OTC: variants seen among roughly 807,000 people sequenced by gnomAD.
OTC encodes ornithine transcarbamylase, also known as ornithine transcarbamylase, mitochondrial.
Under a neutral mutation model 30.3 loss-of-function variants are expected in OTC, and 3 were observed. The ratio of observed to expected loss-of-function variants is 0.10; its 90% CI spans 0.05 to 0.26. The LOEUF (loss-of-function observed/expected upper bound fraction) is 0.26, where lower values mean the gene tolerates loss of function less well. OTC is among the 10% of genes least tolerant of loss of function. The probability of loss-of-function intolerance (pLI) is 1.00; values close to 1 mark genes in which losing one functional copy is unlikely to be tolerated. For synonymous variants in OTC, 111 were observed against 99.7 expected, an observed-to-expected ratio of 1.11 and a Z score of -0.67; for missense variants, 194 against 260.3, an observed-to-expected ratio of 0.75 and a Z score of 1.75.
intron 8 of OTC, among the ~76,000 whole-genome samples, chrX:38,410,146 A>G (rs1212963554): frequency 8.9e-6 from 1 of 112,018 alleles, no homozygotes; most frequent in African/African-American, 3.2e-5. Context: ...ATAGAATTCC[A>G]AAGGATAAGT....
chrX:38,400,742 G>A (rs894903796), intron 4 of OTC, among the ~76,000 whole-genome samples: 1 of 112,567 alleles, frequency 8.9e-6, no homozygotes, highest in African/African-American at 3.2e-5. Flanking sequence ...GGTGGCCTTG[G>A]CAGGAATGCT....
chrX:38,398,548 T>C lies in OTC; in HGVS notation c.387-2727T>C, dbSNP rs183036633. On this transcript the variant is annotated intron_variant, in intron 4 of 9. Coordinates refer to ENST00000039007, the MANE Select transcript of OTC (RefSeq NM_000531.6). Reference sequence around the variant, plus strand: ...TGTACACACTTTAGGGAGTGCTACATGTTTAAAGAAGTCTGAAGTATGACC... The same window carrying C: ...TGTACACACTTTAGGGAGTGCTACACGTTTAAAGAAGTCTGAAGTATGACC... 2.7e-5 allele frequency among the ~76,000 whole-genome samples: 3 copies of C among 111,582 alleles called. No homozygotes were observed. In the East Asian group the frequency reaches 8.4e-4, roughly 31 times the overall value.
At chrX:38,389,725 C>A (rs776331203) in intron 4 of OTC, among the ~76,000 whole-genome samples, 1 of 111,640 alleles carries the variant, frequency 9.0e-6, no homozygotes, top group Non-Finnish European at 1.9e-5. Flanking sequence ...AGGACAGGGG[C>A]TTCAAAGCAG....
At chrX:38,332,414 T>C in the OTC span, among the ~76,000 whole-genome samples, 2 of 99,408 alleles carry the variant, frequency 2.0e-5, no homozygotes, top group Non-Finnish European at 4.0e-5. Context: ...GGAAAACTTG[T>C]CTTCCACAAA....
chrX:38,386,084 TA>T (rs199846125), intron 4 of OTC, among the ~76,000 whole-genome samples: 3 of 95,754 alleles, frequency 3.1e-5, no homozygotes, highest in South Asian at 4.7e-4. Flanking sequence ...AAGGCTCTGT[TA>T]AAAAAAAAGG....
intron 4 of OTC, among the ~76,000 whole-genome samples, chrX:38,387,038 C>T (rs899656240): frequency 2.0e-4 from 23 of 112,286 alleles, no homozygotes; most frequent in African/African-American, 6.8e-4. Flanking sequence ...TTTGCATTTC[C>T]CTAATTATTA....
intron 1 of OTC, among the ~76,000 whole-genome samples, chrX:38,357,344 C>T (rs1011210192): frequency 8.9e-6 from 1 of 112,356 alleles, no homozygotes; most frequent in African/African-American, 3.2e-5. Flanking sequence ...TTAGGTACAG[C>T]CAGAATATCT....
At chrX:38,373,951 T>G (rs1188363083) in intron 3 of OTC, among the ~76,000 whole-genome samples, 1 of 111,509 alleles carries the variant, frequency 9.0e-6, no homozygotes, top group Non-Finnish European at 1.9e-5. Context: ...GATCACGAGG[T>G]CAGGATGTCG....
At chrX:38,379,550 T>C (rs1415161090) in intron 3 of OTC, among the ~76,000 whole-genome samples, 1 of 112,201 alleles carries the variant, frequency 8.9e-6, no homozygotes, top group Non-Finnish European at 1.9e-5. Flanking sequence ...CACTTTTGAG[T>C]ATAAAATAGG....
rs149423825 is a variant in OTC, at chrX:38,386,098, G to A, written c.386+4669G>A. Reference sequence around the variant, plus strand: ...CAAGGCTCTGTTAAAAAAAAAGGCCGATGCAGTGGCTCATGCCTGTAATCC... The same window carrying A: ...CAAGGCTCTGTTAAAAAAAAAGGCCAATGCAGTGGCTCATGCCTGTAATCC... On this transcript the variant is annotated intron_variant, in intron 4 of 9. Transcript: ENST00000039007. Among the ~76,000 whole-genome samples the A allele has an allele frequency of 9.2e-3, 974 of 105,885 alleles. 13 individuals are homozygous for A. Among genetic ancestry groups the A allele is most frequent in the African/African-American group, 0.032 (916 of 28,608 alleles). 91.9% of individuals were successfully genotyped at this position (105,885 alleles called of 115,157 possible).
intron 4 of OTC, among the ~76,000 whole-genome samples, chrX:38,396,330 T>C (rs1402001706): frequency 9.0e-6 from 1 of 111,538 alleles, no homozygotes; most frequent in Non-Finnish European, 1.9e-5. Context: ...TGGCAGCACA[T>C]GACTCATTGC....
the OTC span, among the ~76,000 whole-genome samples, chrX:38,346,931 A>C: frequency 1.8e-5 from 2 of 112,528 alleles, no homozygotes; most frequent in African/African-American, 6.5e-5. Context: ...AAAAATGTTA[A>C]GTTTATTACA....
chrX:38,341,578 G>A, the OTC span, among the ~76,000 whole-genome samples: 17 of 112,275 alleles, frequency 1.5e-4, no homozygotes, highest in South Asian at 7.3e-4. Flanking sequence ...GGCCATGGTA[G>A]CGAAGGGATT....
chrX:38,349,759 AGCAGTGGGTATTT>A (rs2147314182), upstream of OTC, among the ~76,000 whole-genome samples: 1 of 112,401 alleles, frequency 8.9e-6, no homozygotes, highest in African/African-American at 3.2e-5. Context: ...TCAAGAAGAC[AGCAGTGGGTATTT>A]GCATTAAGAA....
chrX:38,352,295 G>T (rs187197025), upstream of OTC, among the ~76,000 whole-genome samples: 35 of 111,990 alleles, frequency 3.1e-4, no homozygotes, highest in East Asian at 8.7e-3. Context: ...GTGCCAATTT[G>T]CATTTTCTGA....
At chrX:38,328,596 A>G in the OTC span, among the ~76,000 whole-genome samples, 1 of 111,966 alleles carries the variant, frequency 8.9e-6, no homozygotes, top group Non-Finnish European at 1.9e-5. Flanking sequence ...GAACACCAAG[A>G]GGCGAGGCTG....
At position 38,367,327 on chromosome X, in the gene OTC, G is replaced by A. The variant is rs1057522000; in HGVS notation, c.114G>A (p.Lys38=). Residue 38 remains lysine (K), a synonymous_variant, in exon 2 of 10, where the codon AAG becomes AAA. Transcript: ENST00000039007. Reference sequence around the variant, plus strand: ...CACTACAAAATAAAGTGCAGCTGAAGGGCCGTGACCTTCTCACTCTAAAAA... The same window carrying A: ...CACTACAAAATAAAGTGCAGCTGAAAGGCCGTGACCTTCTCACTCTAAAAA... ...GQPLQNKVQL[K]GRDLLTLKNF... The A allele has an allele frequency of 2.5e-6, 3 of 1,204,447 alleles. No homozygotes were observed. Among genetic ancestry groups the A allele is most frequent in the Non-Finnish European group, 3.4e-6 (3 of 888,910 alleles).
At chrX:38,413,855 C>T (rs916925434) in intron 9 of OTC, among the ~76,000 whole-genome samples, 4 of 107,403 alleles carry the variant, frequency 3.7e-5, no homozygotes, top group Non-Finnish European at 7.7e-5. Flanking sequence ...TTTTTAGTGG[C>T]GGGTAGGGGG....
the OTC span, among the ~76,000 whole-genome samples, chrX:38,333,852 T>C: frequency 8.9e-6 from 1 of 112,609 alleles, no homozygotes; most frequent in African/African-American, 3.2e-5. Context: ...GGAAATCCCA[T>C]AAGCATATAC....
Sources: gnomAD v4.1 joint callset for allele counts (sites outside exome capture counted in the v4.1 genomes callset) on GRCh38, gnomAD v4.1.1 for gene constraint, MANE v1.5 for transcripts, NCBI Gene and HGNC (gene_info 2026-07-23, HGNC 2026-07-21) for gene names.